The following COL13A1 variants were observed in gnomAD, a reference collection of about 807,000 sequenced individuals.
COL13A1 encodes the protein collagen alpha-1(XIII) chain.
In COL13A1, 89 loss-of-function variants were observed where a neutral mutation model predicts 130.9. That is an observed-to-expected ratio of 0.68 (90% CI 0.57 to 0.81). COL13A1 has a LOEUF of 0.81. Ranked by LOEUF, COL13A1 falls within the 30% of genes least tolerant of loss-of-function variation. The pLI is 0.00. For synonymous variants in COL13A1, 402 were observed against 341.6 expected, an observed-to-expected ratio of 1.18 and a Z score of -1.95; for missense variants, 879 against 934.6, an observed-to-expected ratio of 0.94 and a Z score of 0.78.
chr10:69,886,195 G>A (rs1299547000), intron 7 of COL13A1, among the ~76,000 whole-genome samples: 1 of 152,190 alleles, frequency 6.6e-6, no homozygotes, highest in Non-Finnish European at 1.5e-5. Context: ...CTATTCTGGA[G>A]CTTCCCTGTT....
At chr10:69,886,011 G>A (rs1268428442) in intron 7 of COL13A1, among the ~76,000 whole-genome samples, 1 of 152,156 alleles carries the variant, frequency 6.6e-6, no homozygotes, top group Non-Finnish European at 1.5e-5. Flanking sequence ...ACAGGCCACT[G>A]GACACTTATA....
intron 38 of COL13A1, 58 bp from the exon 39 acceptor site, chr10:69,952,824 C>A (rs1045456740): frequency 2.5e-6 from 3 of 1,178,822 alleles, no homozygotes; most frequent in African/African-American, 1.6e-5. Flanking sequence ...TCAACCTTAA[C>A]ACATGAATGA....
chr10:69,843,136 G>C (rs1852060958), intron 2 of COL13A1, among the ~76,000 whole-genome samples: 1 of 152,198 alleles, frequency 6.6e-6, no homozygotes, highest in African/African-American at 2.4e-5. Context: ...AGGGGGCCCA[G>C]AGAGGTGAGA....
chr10:69,940,865 T>A (rs2067529592), intron 34 of COL13A1, 123 bp from the exon 35 acceptor site: 2 of 1,318,818 alleles, frequency 1.5e-6, no homozygotes, highest in African/African-American at 2.9e-5. Flanking sequence ...TGTGTTTGAT[T>A]ACCAGCATTT....
intron 25 of COL13A1, 91 bp from the exon 26 acceptor site, chr10:69,925,713 C>A: frequency 1.1e-6 from 1 of 908,790 alleles, no homozygotes; most frequent in Non-Finnish European, 1.8e-6. Flanking sequence ...CAGCTAGGTG[C>A]AGCCAGTGTG....
intron 38 of COL13A1, among the ~76,000 whole-genome samples, chr10:69,952,440 C>G (rs1340916526): frequency 6.6e-6 from 1 of 152,256 alleles, no homozygotes; most frequent in African/African-American, 2.4e-5. Flanking sequence ...CAAGCAAAAT[C>G]ACCTTGCCTC....
intron 15 of COL13A1, 92 bp downstream of exon 15, chr10:69,902,947 A>C: frequency 1.0e-6 from 1 of 993,654 alleles, no homozygotes; most frequent in Non-Finnish European, 1.4e-6. Context: ...CCCCTACAAA[A>C]AGCAGAAATG....
intron 9 of COL13A1, 105 bp from the exon 10 acceptor site, chr10:69,889,309 G>C: frequency 2.4e-6 from 2 of 833,904 alleles, no homozygotes; most frequent in Non-Finnish European, 3.2e-6. Flanking sequence ...GAGGAGCACG[G>C]GGGGCAGGGA....
intron 21 of COL13A1, among the ~76,000 whole-genome samples, chr10:69,920,996 G>T (rs1440200273): frequency 1.7e-4 from 26 of 152,206 alleles, no homozygotes; most frequent in Admixed American, 1.7e-3. Flanking sequence ...CGTAGTGGAA[G>T]AAGCTGGGTA....
rs1431084953 is a variant in COL13A1 at position 69,919,088 on chromosome 10, G to A, written c.1026G>A (p.Lys342=). Reference sequence around the variant, plus strand: ...GTGAGCCAGGGATCCCAGGAACCAAGGTACTGATGCAGAGAGAATGTTCCG... The same window carrying A: ...GTGAGCCAGGGATCCCAGGAACCAAAGTACTGATGCAGAGAGAATGTTCCG... ...MKGEPGIPGT[K]GDPGAEGKPG... Residue 342 remains lysine (K), a splice_region_variant and synonymous_variant, in exon 20 of 41, where the codon AAG becomes AAA. Coordinates refer to ENST00000645393, the MANE Select transcript of COL13A1 (RefSeq NM_001368882.1). 1.9e-6 allele frequency: 3 copies of A among 1,614,008 alleles called. No individual in the cohort carries two copies. Among genetic ancestry groups the A allele is most frequent in the Non-Finnish European group, 2.5e-6 (3 of 1,179,868 alleles).
chr10:69,943,772 G>A (rs537202080), intron 35 of COL13A1, among the ~76,000 whole-genome samples: 48 of 152,288 alleles, frequency 3.2e-4, no homozygotes, highest in African/African-American at 1.1e-3. Flanking sequence ...AGCAAAGAGG[G>A]TGCCAGCCCC....
At chr10:69,854,466 G>A (rs775951439) in intron 2 of COL13A1, among the ~76,000 whole-genome samples, 4 of 152,140 alleles carry the variant, frequency 2.6e-5, no homozygotes, top group East Asian at 1.9e-4. Flanking sequence ...CCAGCTACTC[G>A]GGAGGCTGAG....
chr10:69,944,175 G>A lies in COL13A1; in HGVS notation c.1965G>A (p.Glu655=), dbSNP rs1305949143. The A allele has an allele frequency of 6.2e-7, 1 of 1,613,664 alleles. No homozygotes were observed. Among genetic ancestry groups the A allele is most frequent in the Non-Finnish European group, 8.5e-7 (1 of 1,179,736 alleles). ...GVPGPAGPKG[E]RGSKGDPGMT... ...CAGGCCCAGCGGGACCAAAGGGCGA[G>A]AGGGTGAGTGTCACTGAGCCAGGGG... is the stretch of plus-strand genomic sequence containing the variant. The change falls in exon 36 of 41, where the codon GAG becomes GAA. Residue 655 remains glutamate, a synonymous_variant. Transcript: ENST00000645393.
chr10:69,840,773 T>G (rs1475977764), intron 2 of COL13A1, among the ~76,000 whole-genome samples: 1 of 152,116 alleles, frequency 6.6e-6, no homozygotes, highest in African/African-American at 2.4e-5. Flanking sequence ...AGAGGAAACC[T>G]GGGATCTGTG....
chr10:69,866,153 G>A (rs2058491818), intron 2 of COL13A1, among the ~76,000 whole-genome samples: 1 of 152,220 alleles, frequency 6.6e-6, no homozygotes, highest in South Asian at 2.1e-4. Context: ...CTGCTACCCA[G>A]CTGAGCCTTG....
intron 2 of COL13A1, among the ~76,000 whole-genome samples, chr10:69,865,773 A>G (rs528126629): frequency 1.3e-5 from 2 of 152,210 alleles, no homozygotes; most frequent in South Asian, 4.1e-4. Context: ...TGACCATAAC[A>G]GGCATCCCAG....
chr10:69,912,636 A>G (rs1175681847), intron 17 of COL13A1, among the ~76,000 whole-genome samples: 1 of 134,658 alleles, frequency 7.4e-6, no homozygotes, highest in Non-Finnish European at 1.5e-5. Flanking sequence ...CTGTGCCACC[A>G]GATGCATTTG....
At chr10:69,949,801 C>A (rs2069113153) in intron 38 of COL13A1, among the ~76,000 whole-genome samples, 1 of 151,814 alleles carries the variant, frequency 6.6e-6, no homozygotes. Context: ...TATAATCATT[C>A]AGGAAAATTG....
chr10:69,827,332 G>C (rs1161833852), intron 2 of COL13A1, among the ~76,000 whole-genome samples: 1 of 152,186 alleles, frequency 6.6e-6, no homozygotes, highest in African/African-American at 2.4e-5. Context: ...GAGGGTGATT[G>C]ATTGGTAATG....
Sources: gnomAD v4.1 joint callset for allele counts (sites outside exome capture counted in the v4.1 genomes callset) on GRCh38, gnomAD v4.1.1 for gene constraint, MANE v1.5 for transcripts, NCBI Gene and HGNC (gene_info 2026-07-23, HGNC 2026-07-21) for gene names.